LGR5: variants seen among roughly 807,000 people sequenced by gnomAD.
LGR5 encodes the protein leucine rich repeat containing G protein-coupled receptor 5.
A neutral mutation model predicts 76.7 loss-of-function variants in LGR5; 54 were observed. That is an observed-to-expected ratio of 0.70 (90% confidence interval 0.57 to 0.88). The LOEUF (loss-of-function observed/expected upper bound fraction) is 0.88. Ranked by LOEUF, LGR5 falls within the 40% of genes least tolerant of loss-of-function variation. The probability of loss-of-function intolerance (pLI) is 0.00; values close to 1 mark genes in which losing one functional copy is unlikely to be tolerated. For missense variants in LGR5, 1,078 were observed against 1,073.3 expected (o/e 1.00, Z -0.06); for synonymous variants, 406 against 421.9 (o/e 0.96, Z 0.46).
intron 1 of LGR5, among the ~76,000 whole-genome samples, chr12:71,477,857 G>C (rs1873408879): frequency 6.6e-6 from 1 of 152,074 alleles, no homozygotes; most frequent in Non-Finnish European, 1.5e-5. Context: ...ACTTCTTACT[G>C]TTTCACTTAT....
chr12:71,489,996 G>T (rs1830718313), intron 1 of LGR5, among the ~76,000 whole-genome samples: 2 of 152,266 alleles, frequency 1.3e-5, no homozygotes, highest in African/African-American at 4.8e-5. Context: ...CTATAGGAAT[G>T]GTGGCACATG....
At chr12:71,491,943 G>A (rs1225227453) in intron 1 of LGR5, among the ~76,000 whole-genome samples, 1 of 151,598 alleles carries the variant, frequency 6.6e-6, no homozygotes, top group Non-Finnish European at 1.5e-5. Flanking sequence ...AATAGAATTG[G>A]AGTATTATAG....
At chr12:71,491,963 C>T (rs1874095311) in intron 1 of LGR5, among the ~76,000 whole-genome samples, 1 of 151,812 alleles carries the variant, frequency 6.6e-6, no homozygotes, top group Non-Finnish European at 1.5e-5. Context: ...GTGACTAGTA[C>T]AAGTAATTAC....
chr12:71,467,988 G>A (rs779528302), intron 1 of LGR5, among the ~76,000 whole-genome samples: 2 of 152,128 alleles, frequency 1.3e-5, no homozygotes, highest in African/African-American at 2.4e-5. Flanking sequence ...TATTAATGTG[G>A]GATAAGCAGA....
In LGR5 at chr12:71,580,313, C is replaced by T; in HGVS notation, c.1442C>T (p.Ala481Val). The change falls in exon 16 of 18, where the codon GCA (alanine) becomes GTA (valine). Residue 481 changes from alanine (A) to valine (V), a missense_variant. Ala to Val is a moderately conservative substitution (Grantham distance 64). Transcript: ENST00000266674. ...IEMPYAYQCC[A>V]FGVCENAYKI... is the part of the protein sequence containing the mutation. ...ATGCCTTATGCTTACCAGTGCTGTG[C>T]ATTTGGAGTGTGTGAGAATGCCTAT... 6.2e-7 allele frequency: 1 copy of T among 1,613,574 alleles called. No individual in the cohort carries two copies.
chr12:71,583,722 CACTT>C lies in LGR5; in HGVS notation c.1717_1720del (p.Thr573ValfsTer5). 1.2e-6 allele frequency: 2 copies of C among 1,614,100 alleles called. No homozygotes were observed. The highest frequency in any genetic ancestry group is 1.7e-6 in the Non-Finnish European group (2 of 1,179,996). ...GGAGTGTGGACCATAGCAGTTCTGG[CACTT>C]ACTTGTAATGCTTTGGTGACTTCAA... On this transcript the variant is annotated frameshift_variant, in exon 18 of 18. Transcript: ENST00000266674. LOFTEE classifies it low-confidence loss of function (END_TRUNC).
chr12:71,549,586 A>G (rs535940739), intron 4 of LGR5, among the ~76,000 whole-genome samples: 1 of 152,332 alleles, frequency 6.6e-6, no homozygotes, highest in African/African-American at 2.4e-5. Flanking sequence ...TTTGTCAATT[A>G]TTCCTTAACA....
At chr12:71,481,853 A>T (rs966469940) in intron 1 of LGR5, among the ~76,000 whole-genome samples, 4 of 152,112 alleles carry the variant, frequency 2.6e-5, no homozygotes, top group African/African-American at 9.7e-5. Context: ...CTGTATAATT[A>T]TTATGGAACC....
chr12:71,566,593 A>G (rs756452580), intron 9 of LGR5, 39 bp from the exon 10 acceptor site: 12 of 1,568,456 alleles, frequency 7.7e-6, no homozygotes, highest in Non-Finnish European at 1.1e-5. Flanking sequence ...CCCTGTCTAG[A>G]ATCTTCTACC....
chr12:71,550,175 T>G (rs1242359639), intron 4 of LGR5, among the ~76,000 whole-genome samples: 1 of 152,132 alleles, frequency 6.6e-6, no homozygotes, highest in Admixed American at 6.5e-5. Context: ...TTTTATTTTT[T>G]TTTTATTTTC....
In LGR5 at chr12:71,506,679, T is replaced by C. The variant is rs377213169; in HGVS notation, c.284+1994T>C. ...TTCATTCCATTGCCTCATTCTGTTC[T>C]GGAATTCTTTCTGCTAAGCTGGCTG... On this transcript the variant is annotated intron_variant, in intron 2 of 17. Coordinates refer to ENST00000266674, the MANE Select transcript of LGR5 (RefSeq NM_003667.4). Among the ~76,000 whole-genome samples, 8 of 152,348 alleles carry C rather than the reference T, an allele frequency of 5.3e-5. No homozygotes were observed. The South Asian group carries it at 1.0e-3, about 20-fold the overall frequency.
chr12:71,537,756 A>G (rs1247526329), intron 4 of LGR5, among the ~76,000 whole-genome samples: 2 of 151,956 alleles, frequency 1.3e-5, no homozygotes, highest in African/African-American at 2.4e-5. Context: ...TCCATTCTCC[A>G]TTCATTTTCC....
chr12:71,580,562 G>A (rs547137394), intron 16 of LGR5, 139 bp downstream of exon 16: 16 of 779,620 alleles, frequency 2.1e-5, no homozygotes, highest in Non-Finnish European at 2.9e-5. Flanking sequence ...TTGGGAGGCC[G>A]AGGCAGATGG....
Position 71,577,984 on chromosome 12 carries a change from C to A in LGR5, c.1268C>A (p.Ser423Tyr), listed in dbSNP as rs1397209909. The change falls in exon 14 of 18, where the codon TCC (serine) becomes TAC (tyrosine). Residue 423 changes from serine to tyrosine, a missense_variant. Transcript: ENST00000266674. ...CCCAATGCATTTTCCACTTTGCCATCCCTAATAAAGCTGTGAGTATTCCAC... is the reference window on the plus strand; with the variant it reads ...CCCAATGCATTTTCCACTTTGCCATACCTAATAAAGCTGTGAGTATTCCAC... The part of the protein sequence containing the change: ...IHPNAFSTLP[S>Y]LIKLDLSSNL... The A allele has an allele frequency of 6.2e-7, 1 of 1,611,756 alleles. No individual in the cohort carries two copies. Among genetic ancestry groups the A allele is most frequent in the Admixed American group, 1.7e-5 (1 of 60,020 alleles).
chr12:71,554,416 C>T (rs561866235), intron 5 of LGR5, among the ~76,000 whole-genome samples: 5 of 152,116 alleles, frequency 3.3e-5, no homozygotes, highest in Admixed American at 6.6e-5. Flanking sequence ...TTTACAATAG[C>T]GATGTTATCT....
chr12:71,504,668 C>T lies in LGR5; in HGVS notation c.267C>T (p.Leu89=). 1.2e-6 allele frequency: 2 copies of T among 1,613,804 alleles called. No individual in the cohort carries two copies. Among genetic ancestry groups the T allele is most frequent in the East Asian group, 4.5e-5 (2 of 44,874 alleles). Residue 89 remains leucine, a synonymous_variant, in exon 2 of 18, where the codon CTC becomes CTT. Coordinates refer to ENST00000266674, the MANE Select transcript of LGR5 (RefSeq NM_003667.4). ...SQLLPNPLPS[L]RFLEELRLAG... is the part of the protein sequence containing the mutation. ...TGCTCCCGAATCCCCTGCCCAGTCT[C>T]CGCTTCCTGGAGGAGTTGTAAGTAT...
intron 13 of LGR5, among the ~76,000 whole-genome samples, chr12:71,576,756 C>T (rs977527729): frequency 6.6e-6 from 1 of 152,190 alleles, no homozygotes; most frequent in Non-Finnish European, 1.5e-5. Context: ...AGATATTCTG[C>T]TCTGTGAAGC....
At chr12:71,497,277 T>C (rs1437099764) in intron 1 of LGR5, among the ~76,000 whole-genome samples, 1 of 151,012 alleles carries the variant, frequency 6.6e-6, no homozygotes, top group Non-Finnish European at 1.5e-5. Context: ...ATCATGCCAG[T>C]GCACTCCAGC....
At chr12:71,561,953 T>C (rs937953058) in intron 8 of LGR5, 101 bp downstream of exon 8, 1 of 726,726 alleles carries the variant, frequency 1.4e-6, no homozygotes, top group South Asian at 2.2e-5. Context: ...AGTTTTGTCT[T>C]AGTCAATCTA....
Sources: gnomAD v4.1 joint callset for allele counts (sites outside exome capture counted in the v4.1 genomes callset) on GRCh38, gnomAD v4.1.1 for gene constraint, MANE v1.5 for transcripts, NCBI Gene and HGNC (gene_info 2026-07-23, HGNC 2026-07-21) for gene names.